PTPRR: variants seen among roughly 807,000 people sequenced by gnomAD.
The protein encoded by PTPRR is protein tyrosine phosphatase receptor type R, also known as receptor-type tyrosine-protein phosphatase R.
PTPRR carries 38 observed loss-of-function variants against 77.2 expected under a neutral mutation model. That is an observed-to-expected ratio of 0.49 (90% CI 0.38 to 0.65). The LOEUF (loss-of-function observed/expected upper bound fraction) is 0.65, where lower values mean the gene tolerates loss of function less well. Ranked by LOEUF, PTPRR falls within the 30% of genes least tolerant of loss-of-function variation. The pLI is 0.00. For synonymous variants in PTPRR, 299 were observed against 283.1 expected (o/e 1.06, Z -0.57); for missense variants, 744 against 799.2 (o/e 0.93, Z 0.83).
chr12:70,874,725 C>A lies in PTPRR; in HGVS notation c.357+17954G>T, dbSNP rs544567173. The stretch of plus-strand genomic sequence containing the variant: ...GATCACGAGGTCAAGAGATTGAGAC[C>A]ATCCTGGCCAACATGGTGAAACCCT... On this transcript the variant is annotated intron_variant, in intron 2 of 13. Transcript: ENST00000283228. Among the ~76,000 whole-genome samples the A allele has an allele frequency of 1.4e-4, 21 of 152,006 alleles. No homozygotes were observed. The South Asian group carries it at 4.1e-3, about 30-fold the overall frequency.
At chr12:70,889,843 C>A (rs1255114452) in intron 2 of PTPRR, among the ~76,000 whole-genome samples, 3 of 152,078 alleles carry the variant, frequency 2.0e-5, no homozygotes, top group Non-Finnish European at 4.4e-5. Flanking sequence ...ATGAGTCCAT[C>A]TCACAGAGTA....
intron 2 of PTPRR, among the ~76,000 whole-genome samples, chr12:70,769,940 A>T (rs1890928831): frequency 6.6e-6 from 1 of 152,136 alleles, no homozygotes; most frequent in Non-Finnish European, 1.5e-5. Context: ...TGGTGCTGGG[A>T]AAACTGGCTA....
chr12:70,832,605 A>T (rs529160803), intron 2 of PTPRR, among the ~76,000 whole-genome samples: 13 of 152,124 alleles, frequency 8.5e-5, no homozygotes, highest in Non-Finnish European at 1.8e-4. Context: ...TAGAATGGTT[A>T]AGAGGTGGTC....
At chr12:70,770,876 T>C (rs1890955630) in intron 2 of PTPRR, among the ~76,000 whole-genome samples, 1 of 151,434 alleles carries the variant, frequency 6.6e-6, no homozygotes, top group South Asian at 2.1e-4. Flanking sequence ...AAATTGGAAA[T>C]CATCATTCTC....
intron 2 of PTPRR, among the ~76,000 whole-genome samples, chr12:70,800,331 T>G (rs1189327065): frequency 6.6e-6 from 1 of 150,892 alleles, no homozygotes; most frequent in Non-Finnish European, 1.5e-5. Flanking sequence ...ACTTACAAAA[T>G]GCGATATGGT....
intron 10 of PTPRR, chr12:70,672,536 T>C: frequency 1.5e-6 from 2 of 1,307,058 alleles, no homozygotes; most frequent in South Asian, 2.4e-5. Context: ...CAGTGGCTGC[T>C]GGGAAAAACC....
chr12:70,745,692 G>T, intron 6 of PTPRR, 126 bp downstream of exon 6: 1 of 1,107,682 alleles, frequency 9.0e-7, no homozygotes, highest in Non-Finnish European at 1.3e-6. Context: ...TACTTCATCT[G>T]ACTGTCCATT....
intron 8 of PTPRR, among the ~76,000 whole-genome samples, chr12:70,688,993 T>C (rs755703598): frequency 1.0e-4 from 15 of 149,918 alleles, no homozygotes; most frequent in Non-Finnish European, 1.9e-4. Context: ...CTCATAGAAA[T>C]AGAGAGTAGA....
chr12:70,741,130 G>C (rs1420682397), intron 6 of PTPRR, among the ~76,000 whole-genome samples: 1 of 152,136 alleles, frequency 6.6e-6, no homozygotes, highest in Non-Finnish European at 1.5e-5. Flanking sequence ...TCATAAAAAA[G>C]AATCATTAAT....
intron 5 of PTPRR, among the ~76,000 whole-genome samples, chr12:70,752,510 C>A (rs1890434208): frequency 6.6e-6 from 1 of 152,098 alleles, no homozygotes; most frequent in Admixed American, 6.6e-5. Flanking sequence ...CATGAGCACG[C>A]CCTGAGTTAG....
chr12:70,668,908 TAATTA>T (rs1379588907), intron 10 of PTPRR, among the ~76,000 whole-genome samples: 1 of 152,232 alleles, frequency 6.6e-6, no homozygotes, highest in Non-Finnish European at 1.5e-5. Flanking sequence ...GGAATGTATT[TAATTA>T]ATCAAAGACA....
At chr12:70,690,926 A>G (rs1245374249) in intron 8 of PTPRR, among the ~76,000 whole-genome samples, 1 of 152,126 alleles carries the variant, frequency 6.6e-6, no homozygotes, top group Non-Finnish European at 1.5e-5. Flanking sequence ...GAAGGCAGGG[A>G]TGGGGATTTT....
At chr12:70,789,070 T>A (rs1891379660) in intron 2 of PTPRR, 2 of 460,492 alleles carry the variant, frequency 4.3e-6, no homozygotes, top group Admixed American at 3.9e-5. Context: ...AACAGTTTAC[T>A]AGAATTGAAA....
At chr12:70,800,883 G>A (rs146585045) in intron 2 of PTPRR, among the ~76,000 whole-genome samples, 5,152 of 147,926 alleles carry the variant, frequency 0.035, 184 homozygotes, top group East Asian at 0.12. Flanking sequence ...AGACAAGAGC[G>A]AAACTCCATC....
chr12:70,709,071 C>A (rs897203401), intron 6 of PTPRR, among the ~76,000 whole-genome samples: 1 of 151,984 alleles, frequency 6.6e-6, no homozygotes, highest in Non-Finnish European at 1.5e-5. Context: ...TACACTAATC[C>A]TCAATAAAAT....
chr12:70,762,131 T>C (rs1442259954), intron 3 of PTPRR, among the ~76,000 whole-genome samples: 1 of 152,226 alleles, frequency 6.6e-6, no homozygotes, highest in Non-Finnish European at 1.5e-5. Flanking sequence ...TTCCTGATAC[T>C]GTTCTTCACG....
At chr12:70,866,739 T>C (rs1892857834) in intron 2 of PTPRR, among the ~76,000 whole-genome samples, 1 of 152,130 alleles carries the variant, frequency 6.6e-6, no homozygotes, top group South Asian at 2.1e-4. Flanking sequence ...AAAAAGAGAA[T>C]TTTAGACCAA....
intron 8 of PTPRR, among the ~76,000 whole-genome samples, chr12:70,688,188 G>T (rs1298126728): frequency 3.9e-5 from 6 of 152,068 alleles, no homozygotes; most frequent in Non-Finnish European, 5.9e-5. Flanking sequence ...AAATTTCTTG[G>T]ATATGACCCT....
chr12:70,806,266 T>TAG (rs368163026), intron 2 of PTPRR, among the ~76,000 whole-genome samples: 29 of 151,816 alleles, frequency 1.9e-4, no homozygotes, highest in African/African-American at 5.5e-4. Context: ...AGACAGACTC[T>TAG]AGAGAGAGAG....
Sources: allele counts gnomAD v4.1 joint callset (sites outside exome capture counted in the v4.1 genomes callset), GRCh38; gene constraint gnomAD v4.1.1; transcripts MANE v1.5; gene names NCBI Gene and HGNC (gene_info 2026-07-23, HGNC 2026-07-21).